Variants in UQCRC2 observed in about 807,000 individuals in gnomAD.
UQCRC2 encodes cytochrome b-c1 complex subunit 2, mitochondrial.
A neutral mutation model predicts 55.6 loss-of-function variants in UQCRC2; 49 were observed. That is an observed-to-expected ratio of 0.88 (90% CI 0.70 to 1.12). The LOEUF (loss-of-function observed/expected upper bound fraction) is 1.12, where lower values mean the gene tolerates loss of function less well. Ranked by LOEUF, UQCRC2 falls within the 50% of genes most tolerant of loss-of-function variation. The pLI is 0.00. For synonymous variants in UQCRC2, 193 were observed against 192.0 expected (o/e 1.01, Z -0.04); for missense variants, 506 against 547.8 (o/e 0.92, Z 0.76).
Position 21,958,521 on chromosome 16 carries a change from C to A in UQCRC2, c.268-14C>A, listed in dbSNP as rs769492592. 6 of 1,611,320 alleles carry A rather than the reference C, an allele frequency of 3.7e-6. No individual in the cohort carries two copies. Among genetic ancestry groups the A allele is most frequent in the South Asian group, 1.1e-5 (1 of 90,348 alleles). On this transcript the variant is annotated splice_polypyrimidine_tract_variant and intron_variant, in intron 3 of 13. Coordinates refer to ENST00000268379, the MANE Select transcript of UQCRC2 (RefSeq NM_003366.4). ...TTGAAAAGCTACAAAGATAATCATTCTTTCTTTTTCAAGACGACAAAAGGA... is the reference window on the plus strand; with the variant it reads ...TTGAAAAGCTACAAAGATAATCATTATTTCTTTTTCAAGACGACAAAAGGA...
chr16:21,961,691 G>C (rs749541291), intron 4 of UQCRC2, among the ~76,000 whole-genome samples: 2 of 111,660 alleles, frequency 1.8e-5, no homozygotes, highest in African/African-American at 5.7e-5. Context: ...TCGCTGTGTC[G>C]CCCAGGCTGG....
chr16:21,981,274 A>T (rs1001187870), intron 13 of UQCRC2, among the ~76,000 whole-genome samples: 1 of 152,086 alleles, frequency 6.6e-6, no homozygotes, highest in Admixed American at 6.5e-5. Flanking sequence ...GGCAAGGACT[A>T]TGTCATGTAC....
intron 6 of UQCRC2, 106 bp downstream of exon 6, chr16:21,962,991 A>T: frequency 3.7e-6 from 5 of 1,352,314 alleles, no homozygotes; most frequent in South Asian, 3.2e-5. Context: ...TTTTATTTTT[A>T]TTTATTTATT....
intron 8 of UQCRC2, among the ~76,000 whole-genome samples, chr16:21,969,628 A>G (rs1365886012): frequency 1.3e-5 from 2 of 152,348 alleles, no homozygotes; most frequent in East Asian, 3.9e-4. Context: ...AAGTAGTTGC[A>G]TGAGAATATC....
At chr16:21,970,124 A>G (rs986715129) in intron 8 of UQCRC2, among the ~76,000 whole-genome samples, 3 of 152,156 alleles carry the variant, frequency 2.0e-5, no homozygotes, top group African/African-American at 4.8e-5. Flanking sequence ...AGGTCCGTCC[A>G]TATTGTAGCA....
At chr16:21,972,250 G>A in intron 10 of UQCRC2, 128 bp downstream of exon 10, 1 of 1,240,432 alleles carries the variant, frequency 8.1e-7, no homozygotes, top group East Asian at 2.6e-5. Flanking sequence ...TGAAGAGATA[G>A]CCAGGCTTGA....
intron 8 of UQCRC2, among the ~76,000 whole-genome samples, chr16:21,969,028 G>T (rs1015158692): frequency 6.6e-6 from 1 of 152,178 alleles, no homozygotes; most frequent in South Asian, 2.1e-4. Flanking sequence ...GTTCATGGGA[G>T]AAATATGTTT....
At chr16:21,961,946 C>T (rs1054148075) in intron 4 of UQCRC2, among the ~76,000 whole-genome samples, 5 of 152,072 alleles carry the variant, frequency 3.3e-5, no homozygotes, top group South Asian at 2.1e-4. Flanking sequence ...AGCCACTGCG[C>T]CCGGCCCAAA....
intron 12 of UQCRC2, 117 bp downstream of exon 12, chr16:21,976,360 A>G (rs137921409): frequency 3.4e-6 from 3 of 891,090 alleles, no homozygotes; most frequent in South Asian, 1.6e-5. Context: ...AGAAAAGCGT[A>G]AAAAGGGAAA....
intron 1 of UQCRC2, among the ~76,000 whole-genome samples, chr16:21,954,414 G>T (rs996788868): frequency 6.6e-6 from 1 of 152,122 alleles, no homozygotes; most frequent in Non-Finnish European, 1.5e-5. Flanking sequence ...AATGTGCTGT[G>T]GGCTATATCG....
At chr16:21,971,370 G>A (rs995855861) in intron 8 of UQCRC2, among the ~76,000 whole-genome samples, 155 bp from the exon 9 acceptor site, 4 of 152,154 alleles carry the variant, frequency 2.6e-5, no homozygotes, top group Admixed American at 2.0e-4. Flanking sequence ...CTGTAATTGG[G>A]TATCTCTGGG....
intron 11 of UQCRC2, among the ~76,000 whole-genome samples, chr16:21,974,743 G>C (rs900223848): frequency 6.6e-6 from 1 of 152,162 alleles, no homozygotes; most frequent in Non-Finnish European, 1.5e-5. Flanking sequence ...CAAAAAGATC[G>C]GAGCAGATAT....
chr16:21,966,421 T>TA (rs921638594), intron 7 of UQCRC2, among the ~76,000 whole-genome samples: 1 of 152,148 alleles, frequency 6.6e-6, no homozygotes, highest in Non-Finnish European at 1.5e-5. Flanking sequence ...CAAGTGTAGA[T>TA]ATGTGCGTAT....
chr16:21,962,193 CTTA>C, intron 4 of UQCRC2: 1 of 433,170 alleles, frequency 2.3e-6, no homozygotes. Flanking sequence ...TTGTGACTGG[CTTA>C]TTATCCTTAG....
Position 21,983,386 on chromosome 16 carries a change from AG to A in UQCRC2, c.*216del. On this transcript the variant is annotated 3_prime_UTR_variant, in exon 14 of 14. Coordinates refer to ENST00000268379, the MANE Select transcript of UQCRC2 (RefSeq NM_003366.4). ...GTTTTTCTCAATGAGTTAATCAACA[AG>A]TATTTATTATGTGCTGATATCTTTG... is the stretch of plus-strand genomic sequence containing the variant. 1 of 523,240 alleles carries A rather than the reference AG, an allele frequency of 1.9e-6. No individual in the cohort carries two copies. Among genetic ancestry groups the A allele is most frequent in the Non-Finnish European group, 3.3e-6 (1 of 300,434 alleles). 32.4% of individuals were successfully genotyped at this position (523,240 alleles called of 1,614,324 possible). A position where few individuals can be genotyped will look rare whatever the true frequency, so the allele number is the denominator to read the frequency against.
At position 21,980,761 on chromosome 16, in the gene UQCRC2, C is replaced by G. The variant is rs965618781; in HGVS notation, c.1278+61C>G. 5.7e-6 allele frequency: 9 copies of G among 1,585,070 alleles called. No homozygotes were observed. The African/African-American group carries it at 1.2e-4, about 21-fold the overall frequency. ...GAACTTAACCTTAATGATCCAATTT[C>G]AGAAGGATGCATAAGCGTCCTTGGG... On this transcript the variant is annotated intron_variant, in intron 13 of 13. Coordinates refer to ENST00000268379, the MANE Select transcript of UQCRC2 (RefSeq NM_003366.4).
At position 21,961,626 on chromosome 16, in the gene UQCRC2, T is replaced by TTATATATATATATATATA. The variant is rs67999727; in HGVS notation, c.333-808_333-791dup. On this transcript the variant is annotated intron_variant, in intron 4 of 13. Coordinates refer to ENST00000268379, the MANE Select transcript of UQCRC2 (RefSeq NM_003366.4). ...TGGTCAAATGTATATAACATAAAAT[T>TTATATATATATATATATA]TATATATATATATATATATATATAT... is the stretch of plus-strand genomic sequence containing the variant. Among the ~76,000 whole-genome samples, 284 of 64,346 alleles carry TTATATATATATATATATA rather than the reference T, an allele frequency of 4.4e-3. 8 individuals carry two copies. Among genetic ancestry groups the TTATATATATATATATATA allele is most frequent in the Middle Eastern group, 0.011 (1 of 94 alleles). The allele number at this position is 64,346 out of a possible 152,430, so 42.2% of individuals were successfully genotyped here.
intron 4 of UQCRC2, chr16:21,959,394 G>A (rs938020060): frequency 7.4e-6 from 2 of 271,738 alleles, no homozygotes; most frequent in Non-Finnish European, 1.5e-5. Flanking sequence ...CACTTTGTTT[G>A]CTCATCCATA....
At chr16:21,969,864 CTTTGTT>C (rs993793645) in intron 8 of UQCRC2, among the ~76,000 whole-genome samples, 1 of 151,640 alleles carries the variant, frequency 6.6e-6, no homozygotes, top group African/African-American at 2.4e-5. Flanking sequence ...CACTAATCTA[CTTTGTT>C]TTTGTTTTTT....
Sources: allele counts gnomAD v4.1 joint callset (sites outside exome capture counted in the v4.1 genomes callset), GRCh38; gene constraint gnomAD v4.1.1; transcripts MANE v1.5; gene names NCBI Gene and HGNC (gene_info 2026-07-23, HGNC 2026-07-21).